Variants in TNN observed in about 807,000 individuals in gnomAD.
TNN encodes tenascin N.
A neutral mutation model predicts 134.4 loss-of-function variants in TNN; 122 were observed. The observed-to-expected ratio is 0.91, with a 90% confidence interval of 0.78 to 1.06. The LOEUF is 1.06. Ranked by LOEUF, TNN falls within the 50% of genes least tolerant of loss-of-function variation. The pLI is 0.00. For synonymous variants in TNN, 710 were observed against 670.3 expected (o/e 1.06, Z -0.91); for missense variants, 1,739 against 1,699.4 (o/e 1.02, Z -0.41).
chr1:175,121,173 G>A (rs1274452195), intron 11 of TNN, among the ~76,000 whole-genome samples: 1 of 152,220 alleles, frequency 6.6e-6, no homozygotes, highest in Non-Finnish European at 1.5e-5. Flanking sequence ...GTGACTAATG[G>A]CTACGGTATC....
At chr1:175,126,506 A>T (rs1675531948) in intron 12 of TNN, among the ~76,000 whole-genome samples, 2 of 152,264 alleles carry the variant, frequency 1.3e-5, no homozygotes, top group African/African-American at 2.4e-5. Context: ...TTTCCCAGTG[A>T]CAGGCATTGG....
At chr1:175,089,594 C>T (rs1349646318) in intron 6 of TNN, among the ~76,000 whole-genome samples, 1 of 152,220 alleles carries the variant, frequency 6.6e-6, no homozygotes, top group Non-Finnish European at 1.5e-5. Flanking sequence ...TGTCCTCTAT[C>T]TATAAAATGA....
intron 9 of TNN, among the ~76,000 whole-genome samples, chr1:175,109,439 C>T (rs187719112): frequency 1.2e-4 from 18 of 152,126 alleles, no homozygotes; most frequent in Admixed American, 6.5e-4. Flanking sequence ...ATTCCCCTTA[C>T]TCCTACACTT....
intron 18 of TNN, among the ~76,000 whole-genome samples, chr1:175,144,892 C>T (rs1261848712): frequency 6.6e-6 from 1 of 152,218 alleles, no homozygotes; most frequent in African/African-American, 2.4e-5. Context: ...AACAAAATAA[C>T]ACAGACCAGG....
At chr1:175,095,677 G>A (rs911668733) in intron 7 of TNN, among the ~76,000 whole-genome samples, 6 of 152,146 alleles carry the variant, frequency 3.9e-5, no homozygotes, top group South Asian at 2.1e-4. Flanking sequence ...GGGTTCAAGC[G>A]ATTCTCCTGC....
intron 17 of TNN, among the ~76,000 whole-genome samples, chr1:175,139,209 T>C (rs1381010488): frequency 6.6e-6 from 1 of 152,232 alleles, no homozygotes; most frequent in Admixed American, 6.5e-5. Flanking sequence ...AAATTAACCT[T>C]ATCTTATTGT....
intron 8 of TNN, 108 bp from the exon 9 acceptor site, chr1:175,098,224 T>A (rs528468477): frequency 3.3e-6 from 5 of 1,506,408 alleles, no homozygotes; most frequent in Non-Finnish European, 4.5e-6. Context: ...GAGAATGCCA[T>A]TGCCTTGTTC....
intron 12 of TNN, among the ~76,000 whole-genome samples, chr1:175,124,375 A>C (rs1318698812): frequency 3.9e-5 from 6 of 152,166 alleles, no homozygotes; most frequent in African/African-American, 1.4e-4. Flanking sequence ...GACGTGTTAA[A>C]ACAAAACAAA....
At chr1:175,110,574 C>G (rs746398753) in intron 9 of TNN, among the ~76,000 whole-genome samples, 1 of 152,152 alleles carries the variant, frequency 6.6e-6, no homozygotes, top group Non-Finnish European at 1.5e-5. Flanking sequence ...TAGTTTTATT[C>G]TTCTGCATAT....
chr1:175,093,338 C>G (rs553600251), intron 6 of TNN, among the ~76,000 whole-genome samples: 3 of 152,338 alleles, frequency 2.0e-5, no homozygotes, highest in East Asian at 3.9e-4. Context: ...GTCTCTAGGA[C>G]ACAGCTGGCA....
chr1:175,086,965 G>C (rs1674335210), intron 6 of TNN, among the ~76,000 whole-genome samples: 1 of 152,134 alleles, frequency 6.6e-6, no homozygotes. Flanking sequence ...CAATGAAGTA[G>C]ATACTATTAT....
Position 175,123,415 on chromosome 1 carries a change from A to G in TNN, c.2666A>G (p.Lys889Arg), listed in dbSNP as rs1333191757. ...TTTTAAAAAGAAATTGACGGCCCCA[A>G]AAACCTAGTGACTGACTGGGTGACG... ...TKAQTEIDGP[K>R]NLVTDWVTEN... Residue 889 changes from lysine to arginine, a missense_variant, in exon 12 of 19, where the codon AAA becomes AGA. Transcript: ENST00000239462. The G allele has an allele frequency of 3.1e-6, 5 of 1,613,714 alleles. No individual in the cohort carries two copies. The African/African-American group carries it at 4.0e-5, about 13-fold the overall frequency.
At position 175,083,933 on chromosome 1, in the gene TNN, C is replaced by T. The variant is rs1558350324; in HGVS notation, c.1232C>T (p.Thr411Ile). 6.2e-7 allele frequency: 1 copy of T among 1,613,588 alleles called. No individual in the cohort carries two copies. Among genetic ancestry groups the T allele is most frequent in the Non-Finnish European group, 8.5e-7 (1 of 1,179,800 alleles). Residue 411 changes from threonine (T) to isoleucine (I), a missense_variant and splice_region_variant, in exon 5 of 19, where the codon ACT becomes ATT. Physicochemically the swap from Thr to Ile is moderately conservative, Grantham distance 89 (BLOSUM62 -1). Transcript: ENST00000239462. ...SSDPKSRYDI[T>I]GLHPGTEYKI... ...GACCCCAAGAGCCGATATGACATCA[C>T]TGGTAAGAGCCATCACTGGAATGTG...
rs774118159 is a variant in TNN, at chr1:175,128,670, C to A, written c.3254C>A (p.Thr1085Asn). 6.2e-7 allele frequency: 1 copy of A among 1,614,070 alleles called. No homozygotes were observed. The highest frequency in any genetic ancestry group is 1.1e-5 in the South Asian group (1 of 91,068). Reference protein sequence around the residue: ...QNSNAASGLYTIYLHGDASRP... With the variant: ...QNSNAASGLYNIYLHGDASRP... Reference sequence around the variant, plus strand: ...AGCAATGCCGCCAGTGGTCTGTACACCATCTACCTGCATGGCGATGCCAGC... The same window carrying A: ...AGCAATGCCGCCAGTGGTCTGTACAACATCTACCTGCATGGCGATGCCAGC... The change falls in exon 15 of 19, where the codon ACC becomes AAC. Residue 1085 changes from threonine to asparagine, a missense_variant. By Grantham distance (65) the Thr-to-Asn change is moderately conservative (BLOSUM62 0). Transcript: ENST00000239462.
intron 6 of TNN, 82 bp from the exon 7 acceptor site, chr1:175,093,908 G>C (rs1286227166): frequency 6.8e-7 from 1 of 1,464,968 alleles, no homozygotes; most frequent in Non-Finnish European, 9.3e-7. Flanking sequence ...GGTCACCCAG[G>C]TGAACTAGAT....
At chr1:175,098,692 G>A (rs1385137532) in intron 9 of TNN, 97 bp downstream of exon 9, 29 of 1,548,218 alleles carry the variant, frequency 1.9e-5, no homozygotes, top group Admixed American at 4.0e-5. Flanking sequence ...GGACTTTATG[G>A]AAGAGCAGGT....
Position 175,147,041 on chromosome 1 carries a change from G to A in TNN, c.3870G>A (p.Arg1290=). 6.3e-7 allele frequency: 1 copy of A among 1,592,576 alleles called. No homozygotes were observed. Among genetic ancestry groups the A allele is most frequent in the South Asian group, 1.1e-5 (1 of 88,454 alleles). The change falls in exon 19 of 19, where the codon CGG becomes CGA. Residue 1290 remains arginine, a synonymous_variant. Coordinates refer to ENST00000239462, the MANE Select transcript of TNN (RefSeq NM_022093.2). ...AGCCTGTCCTGGGCAGAAAGAAGCG[G>A]ACGCTGAGAGGAAGGCTGCGAACGT... The part of the protein sequence containing the change: ...SREPVLGRKK[R]TLRGRLRTF
In TNN at chr1:175,113,261, GT is replaced by G. The variant is rs541055857; in HGVS notation, c.2120-3673del. ...AGTTTAGTGGTGATGGATTCCCTCAGTTTTTCCTTTTCTGGGAAAGACTTTG... is the reference window on the plus strand; with the variant it reads ...AGTTTAGTGGTGATGGATTCCCTCAGTTTTCCTTTTCTGGGAAAGACTTTG... On this transcript the variant is annotated intron_variant, in intron 9 of 18. Transcript: ENST00000239462. 6.6e-4 allele frequency among the ~76,000 whole-genome samples: 101 copies of G among 152,276 alleles called. 2 individuals carry two copies. The South Asian group carries it at 0.02, about 31-fold the overall frequency.
Position 175,080,377 on chromosome 1 carries a change from C to A in TNN, c.999C>A (p.Asn333Lys). ...CCAAGTACATAGTCACCCTGCGTAA[C>A]GTCAAGAATGAAGTTTCTAGCAGCC... ...PGTKYIVTLRNVKNEVSSSPQ... is the reference protein window; with the variant it reads ...PGTKYIVTLRKVKNEVSSSPQ... The change falls in exon 4 of 19, where the codon AAC becomes AAA. Residue 333 changes from asparagine to lysine, a missense_variant. Transcript: ENST00000239462. 2 of 1,614,048 alleles carry A rather than the reference C, an allele frequency of 1.2e-6. No individual in the cohort carries two copies. The highest frequency in any genetic ancestry group is 1.7e-6 in the Non-Finnish European group (2 of 1,179,964).
Sources: allele counts gnomAD v4.1 joint callset (sites outside exome capture counted in the v4.1 genomes callset), GRCh38; gene constraint gnomAD v4.1.1; transcripts MANE v1.5; gene names NCBI Gene and HGNC (gene_info 2026-07-23, HGNC 2026-07-21).